KCNH8: variants seen among roughly 807,000 people sequenced by gnomAD.
KCNH8 encodes potassium voltage-gated channel subfamily H member 8.
A neutral mutation model predicts 103.6 loss-of-function variants in KCNH8; 70 were observed. The observed-to-expected ratio is 0.68, with a 90% CI of 0.56 to 0.82. The LOEUF (loss-of-function observed/expected upper bound fraction) is 0.82. Among genes scored for constraint, KCNH8 ranks in the 40% least tolerant of loss-of-function variants. KCNH8 has a pLI of 0.00. For missense variants in KCNH8, 1,217 were observed against 1,329.9 expected, an observed-to-expected ratio of 0.92 and a Z score of 1.32; for synonymous variants, 498 against 489.4, an observed-to-expected ratio of 1.02 and a Z score of -0.23.
chr3:19,320,538 A>G (rs1055275491), intron 3 of KCNH8, among the ~76,000 whole-genome samples: 2 of 151,992 alleles, frequency 1.3e-5, no homozygotes, highest in African/African-American at 4.8e-5. Context: ...CCACTTGGTC[A>G]TGGTGGATTA....
chr3:19,361,038 T>C (rs1344773332), intron 5 of KCNH8, among the ~76,000 whole-genome samples: 1 of 151,934 alleles, frequency 6.6e-6, no homozygotes, highest in Non-Finnish European at 1.5e-5. Flanking sequence ...TCTATGAAAA[T>C]AGAAAAAATG....
intron 5 of KCNH8, among the ~76,000 whole-genome samples, chr3:19,360,208 T>C (rs545653268): frequency 6.6e-6 from 1 of 152,046 alleles, no homozygotes; most frequent in African/African-American, 2.4e-5. Flanking sequence ...AGGTGGAGAA[T>C]CACTTGCAGA....
intron 5 of KCNH8, among the ~76,000 whole-genome samples, chr3:19,387,879 T>C (rs2066378957): frequency 6.6e-6 from 1 of 152,144 alleles, no homozygotes; most frequent in African/African-American, 2.4e-5. Context: ...TAAATTGTTT[T>C]TTAAAAAGCT....
chr3:19,488,951 G>T (rs946358708), intron 11 of KCNH8, among the ~76,000 whole-genome samples: 1 of 152,160 alleles, frequency 6.6e-6, no homozygotes, highest in Non-Finnish European at 1.5e-5. Context: ...TTTGGTATAA[G>T]GTGGAGTATT....
chr3:19,374,974 C>T lies in KCNH8; in HGVS notation c.812-15507C>T, dbSNP rs540490118. ...CTTGTAGGGTTTCTGCCGAGAGATC[C>T]GCTGTTAGTCTGATGGGCTTCCCTT... On this transcript the variant is annotated intron_variant, in intron 5 of 15. Coordinates refer to ENST00000328405, the MANE Select transcript of KCNH8 (RefSeq NM_144633.3). Among the ~76,000 whole-genome samples, 429 of 152,076 alleles carry T rather than the reference C, an allele frequency of 2.8e-3. 2 individuals carry two copies. Among genetic ancestry groups the T allele is most frequent in the African/African-American group, 9.4e-3 (388 of 41,448 alleles).
chr3:19,484,117 G>T (rs189278957), intron 11 of KCNH8, among the ~76,000 whole-genome samples: 106 of 151,868 alleles, frequency 7.0e-4, no homozygotes, highest in African/African-American at 2.6e-3. Flanking sequence ...CTTTTGTTCT[G>T]GCTAATACTT....
intron 7 of KCNH8, among the ~76,000 whole-genome samples, chr3:19,427,839 T>C (rs2067051858): frequency 6.6e-6 from 1 of 152,108 alleles, no homozygotes; most frequent in African/African-American, 2.4e-5. Flanking sequence ...TCCTAGATGA[T>C]GGAGACAGTA....
At chr3:19,532,987 G>A (rs768126760) in intron 15 of KCNH8, among the ~76,000 whole-genome samples, 5 of 152,008 alleles carry the variant, frequency 3.3e-5, no homozygotes, top group African/African-American at 9.7e-5. Flanking sequence ...GGCGGATCAC[G>A]AGGTCAGGAG....
chr3:19,235,154 A>G (rs113057666), intron 1 of KCNH8, among the ~76,000 whole-genome samples: 21 of 152,272 alleles, frequency 1.4e-4, no homozygotes, highest in African/African-American at 5.1e-4. Flanking sequence ...TGGTTTTATT[A>G]TACCTTGCTT....
At chr3:19,298,967 TAAA>T (rs1307709559) in intron 3 of KCNH8, among the ~76,000 whole-genome samples, 35 of 116,408 alleles carry the variant, frequency 3.0e-4, no homozygotes, top group African/African-American at 1.1e-3. Flanking sequence ...ATTTGAGGGG[TAAA>T]AAAGTTATAA....
At position 19,497,653 on chromosome 3, in the gene KCNH8, G is replaced by A. The variant is rs116528750; in HGVS notation, c.2041-12710G>A. On this transcript the variant is annotated intron_variant, in intron 11 of 15. Transcript: ENST00000328405. ...TTGAATTTGCTGAGGGTTATTTTAT[G>A]TCTGATTTTGTGGTTGATTTTAGAA... Among the ~76,000 whole-genome samples the A allele has an allele frequency of 8.0e-3, 1,211 of 152,208 alleles. 19 individuals carry two copies. The highest frequency in any genetic ancestry group is 0.027 in the African/African-American group (1,133 of 41,554).
chr3:19,215,495 C>T (rs1258520949), intron 1 of KCNH8, among the ~76,000 whole-genome samples: 1 of 152,210 alleles, frequency 6.6e-6, no homozygotes, highest in Non-Finnish European at 1.5e-5. Context: ...TTCAGATGCT[C>T]TAAAACACAG....
chr3:19,188,230 C>CTTTT (rs1341409673), intron 1 of KCNH8, among the ~76,000 whole-genome samples: 3 of 151,988 alleles, frequency 2.0e-5, no homozygotes, highest in Admixed American at 2.0e-4. Context: ...TAAAATGTAA[C>CTTTT]TTTTATGATA....
intron 5 of KCNH8, among the ~76,000 whole-genome samples, chr3:19,359,033 G>T: frequency 6.6e-6 from 1 of 151,758 alleles, no homozygotes. Context: ...AGTAAATCAA[G>T]ATATATGACA....
intron 1 of KCNH8, among the ~76,000 whole-genome samples, chr3:19,239,245 T>C (rs2064104181): frequency 6.6e-6 from 1 of 152,150 alleles, no homozygotes; most frequent in South Asian, 2.1e-4. Flanking sequence ...CAGGATTTTT[T>C]CCATCCTTTA....
chr3:19,510,211 C>T (rs2068759992), intron 11 of KCNH8, 152 bp from the exon 12 acceptor site: 2 of 613,192 alleles, frequency 3.3e-6, no homozygotes, highest in East Asian at 5.6e-5. Context: ...TTTCTCTTCT[C>T]TGGCCTGCAC....
intron 1 of KCNH8, among the ~76,000 whole-genome samples, chr3:19,186,268 T>G (rs1206169625): frequency 1.4e-5 from 2 of 147,774 alleles, no homozygotes; most frequent in Admixed American, 6.8e-5. Context: ...TTATATGGAA[T>G]GCTCCTCTTT....
At chr3:19,491,652 G>A (rs1305251725) in intron 11 of KCNH8, among the ~76,000 whole-genome samples, 1 of 152,174 alleles carries the variant, frequency 6.6e-6, no homozygotes. Flanking sequence ...ATGAACATAT[G>A]AGTGAGCATT....
intron 11 of KCNH8, among the ~76,000 whole-genome samples, chr3:19,465,861 C>A (rs1248409309): frequency 6.6e-6 from 1 of 151,970 alleles, no homozygotes; most frequent in African/African-American, 2.4e-5. Context: ...AGAAGTGGAG[C>A]CTGAAGATGT....
Sources: gnomAD v4.1 joint callset for allele counts (sites outside exome capture counted in the v4.1 genomes callset) on GRCh38, gnomAD v4.1.1 for gene constraint, MANE v1.5 for transcripts, NCBI Gene and HGNC (gene_info 2026-07-23, HGNC 2026-07-21) for gene names.